Variants in EFNA5 observed in about 807,000 individuals in gnomAD.
EFNA5 encodes the protein ephrin A5, also known as ephrin-A5.
Under a neutral mutation model 22.9 loss-of-function variants are expected in EFNA5, and 5 were observed. The observed-to-expected ratio is 0.22, with a 90% confidence interval of 0.11 to 0.46. The LOEUF is 0.46. Ranked by LOEUF, EFNA5 falls within the 20% of genes least tolerant of loss-of-function variation. The pLI is 0.99. For missense variants in EFNA5, 237 were observed against 293.3 expected, an observed-to-expected ratio of 0.81 and a Z score of 1.40; for synonymous variants, 113 against 112.2, an observed-to-expected ratio of 1.01 and a Z score of -0.04.
chr5:107,610,806 C>A (rs1379553488), intron 1 of EFNA5, among the ~76,000 whole-genome samples: 1 of 152,060 alleles, frequency 6.6e-6, no homozygotes, highest in African/African-American at 2.4e-5. Context: ...TTCTAGCAGC[C>A]CTGAGCCTTC....
At position 107,564,607 on chromosome 5, in the gene EFNA5, T is replaced by C. The variant is rs549987256; in HGVS notation, c.125+105882A>G. Among the ~76,000 whole-genome samples, 11 of 151,106 alleles carry C rather than the reference T, an allele frequency of 7.3e-5. No homozygotes were observed. The South Asian group carries it at 8.4e-4, about 11-fold the overall frequency. ...GGCTGAAACCACAGTTGGAATACTT[T>C]ATTTTGTTTTTGTTTGGGTTTTTGT... On this transcript the variant is annotated intron_variant, in intron 1 of 4. Coordinates refer to ENST00000333274, the MANE Select transcript of EFNA5 (RefSeq NM_001962.3).
intron 1 of EFNA5, among the ~76,000 whole-genome samples, chr5:107,447,216 A>C (rs1749421132): frequency 1.3e-5 from 2 of 151,602 alleles, no homozygotes; most frequent in African/African-American, 4.9e-5. Flanking sequence ...GAGACTTTGC[A>C]ATTCTGCTGA....
chr5:107,422,523 G>C (rs745807896), intron 2 of EFNA5, among the ~76,000 whole-genome samples: 4 of 152,238 alleles, frequency 2.6e-5, no homozygotes, highest in Non-Finnish European at 5.9e-5. Context: ...TAAAGAAAGT[G>C]AGAGCAAGGC....
chr5:107,485,338 T>C (rs978206479), intron 1 of EFNA5, among the ~76,000 whole-genome samples: 5 of 152,188 alleles, frequency 3.3e-5, no homozygotes, highest in Non-Finnish European at 7.3e-5. Context: ...AGCAAGACTA[T>C]ACACACATTT....
intron 1 of EFNA5, among the ~76,000 whole-genome samples, chr5:107,535,094 C>G (rs142924306): frequency 6.6e-6 from 1 of 152,102 alleles, no homozygotes; most frequent in Admixed American, 6.6e-5. Context: ...TGTCTCACAC[C>G]TGGGGTATAA....
At chr5:107,595,861 A>AG (rs1561444493) in intron 1 of EFNA5, among the ~76,000 whole-genome samples, 16 of 152,340 alleles carry the variant, frequency 1.1e-4, no homozygotes, top group African/African-American at 3.8e-4. Context: ...AGGCATCTAC[A>AG]TACCCAATAA....
intron 1 of EFNA5, among the ~76,000 whole-genome samples, chr5:107,530,451 G>GT (rs1747785791): frequency 3.3e-5 from 5 of 152,164 alleles, no homozygotes; most frequent in Admixed American, 3.3e-4. Context: ...CAAAACCTCT[G>GT]TAAAAAGTCC....
intron 1 of EFNA5, among the ~76,000 whole-genome samples, chr5:107,653,988 T>C (rs980092144): frequency 2.0e-5 from 3 of 152,156 alleles, no homozygotes; most frequent in Admixed American, 6.6e-5. Flanking sequence ...ACTATTAATA[T>C]GTGATTACAA....
In EFNA5 at chr5:107,650,954, T is replaced by C. The variant is rs1224148193; in HGVS notation, c.125+19535A>G. Among the ~76,000 whole-genome samples, 3 of 152,210 alleles carry C rather than the reference T, an allele frequency of 2.0e-5. No individual in the cohort carries two copies. In the East Asian group the frequency reaches 5.8e-4, roughly 29 times the overall value. Reference sequence around the variant, plus strand: ...GGTTATACTAGTTATTTGTAGTGGATGCCAAATTATGGCTTGCTACCTCAG... The same window carrying C: ...GGTTATACTAGTTATTTGTAGTGGACGCCAAATTATGGCTTGCTACCTCAG... On this transcript the variant is annotated intron_variant, in intron 1 of 4. Transcript: ENST00000333274.
At chr5:107,606,155 T>C (rs1561447470) in intron 1 of EFNA5, among the ~76,000 whole-genome samples, 1 of 152,194 alleles carries the variant, frequency 6.6e-6, no homozygotes. Context: ...CTCAGACAAA[T>C]AGCTGCTGCA....
intron 1 of EFNA5, among the ~76,000 whole-genome samples, chr5:107,465,593 GA>G (rs1257085873): frequency 1.3e-5 from 2 of 152,100 alleles, no homozygotes; most frequent in African/African-American, 2.4e-5. Flanking sequence ...CAACATAATT[GA>G]AAATCAAATA....
chr5:107,612,852 G>C (rs969437585), intron 1 of EFNA5, among the ~76,000 whole-genome samples: 18 of 152,118 alleles, frequency 1.2e-4, no homozygotes, highest in African/African-American at 4.3e-4. Context: ...TCTGCAATAA[G>C]ATCCCAGAAT....
chr5:107,585,051 A>G (rs1749156170), intron 1 of EFNA5, among the ~76,000 whole-genome samples: 1 of 152,130 alleles, frequency 6.6e-6, no homozygotes, highest in Admixed American at 6.5e-5. Flanking sequence ...ACTAGTGAGG[A>G]TCATGATTAC....
At chr5:107,395,978 A>T (rs1278192637) in intron 2 of EFNA5, among the ~76,000 whole-genome samples, 1 of 152,224 alleles carries the variant, frequency 6.6e-6, no homozygotes, top group Non-Finnish European at 1.5e-5. Context: ...GGTGGCTGTT[A>T]ACCGTTAGGC....
At chr5:107,568,065 T>C (rs960850748) in intron 1 of EFNA5, among the ~76,000 whole-genome samples, 2 of 152,006 alleles carry the variant, frequency 1.3e-5, no homozygotes, top group Non-Finnish European at 2.9e-5. Context: ...CCCAGCTCGT[T>C]TTAATTTTTT....
intron 1 of EFNA5, among the ~76,000 whole-genome samples, chr5:107,466,850 G>A (rs1035502400): frequency 6.6e-6 from 1 of 152,154 alleles, no homozygotes; most frequent in Non-Finnish European, 1.5e-5. Context: ...GATAGCTGGA[G>A]CTGGGGCAAA....
chr5:107,540,411 A>G (rs1284006430), intron 1 of EFNA5, among the ~76,000 whole-genome samples: 1 of 152,208 alleles, frequency 6.6e-6, no homozygotes, highest in Admixed American at 6.5e-5. Flanking sequence ...AAAGGAAAAA[A>G]GTCTCATTGA....
chr5:107,542,952 C>T (rs1748077317), intron 1 of EFNA5, among the ~76,000 whole-genome samples: 1 of 151,968 alleles, frequency 6.6e-6, no homozygotes, highest in South Asian at 2.1e-4. Flanking sequence ...GAAAGATGGT[C>T]ATAAAATAAA....
At chr5:107,585,070 A>C (rs1749156324) in intron 1 of EFNA5, among the ~76,000 whole-genome samples, 1 of 152,342 alleles carries the variant, frequency 6.6e-6, no homozygotes, top group East Asian at 1.9e-4. Context: ...ACAGATGGGC[A>C]GTCCCCATGG....
Sources: gnomAD v4.1 joint callset for allele counts (sites outside exome capture counted in the v4.1 genomes callset) on GRCh38, gnomAD v4.1.1 for gene constraint, MANE v1.5 for transcripts, NCBI Gene and HGNC (gene_info 2026-07-23, HGNC 2026-07-21) for gene names.